The following SYNJ2 variants were observed in gnomAD, a reference collection of about 807,000 sequenced individuals.
The protein encoded by SYNJ2 is synaptojanin 2, also known as polyphosphatidylinositol phosphatase SYNJ2.
A neutral mutation model predicts 141.3 loss-of-function variants in SYNJ2; 116 were observed. The observed-to-expected ratio is 0.82, with a 90% CI of 0.71 to 0.96. SYNJ2 has a LOEUF of 0.96. Among genes scored for constraint, SYNJ2 ranks in the 40% least tolerant of loss-of-function variants. The probability of loss-of-function intolerance (pLI) is 0.00; values close to 1 mark genes in which losing one functional copy is unlikely to be tolerated. For synonymous variants in SYNJ2, 745 were observed against 777.7 expected (o/e 0.96, Z 0.70); for missense variants, 1,873 against 1,934.8 (o/e 0.97, Z 0.60).
chr6:158,017,071 T>C (rs1348062547), intron 1 of SYNJ2, 133 bp from the exon 2 acceptor site: 2 of 1,386,134 alleles, frequency 1.4e-6, no homozygotes, highest in Non-Finnish European at 1.9e-6. Flanking sequence ...ACTTGGTGTT[T>C]GTGGGCCGAG....
At chr6:158,048,282 G>C (rs1387474371) in intron 5 of SYNJ2, among the ~76,000 whole-genome samples, 2 of 152,190 alleles carry the variant, frequency 1.3e-5, no homozygotes, top group Non-Finnish European at 2.9e-5. Flanking sequence ...CTGGGGAGGG[G>C]TGAGGAAGAA....
Position 158,040,090 on chromosome 6 carries a change from C to T in SYNJ2, c.712-3226C>T, listed in dbSNP as rs976947428. Among the ~76,000 whole-genome samples, 1 of 152,150 alleles carries T rather than the reference C, an allele frequency of 6.6e-6. No individual in the cohort carries two copies. Among genetic ancestry groups the T allele is most frequent in the Admixed American group, 6.5e-5 (1 of 15,280 alleles). On this transcript the variant is annotated intron_variant, in intron 4 of 26. Coordinates refer to ENST00000355585, the MANE Select transcript of SYNJ2 (RefSeq NM_003898.4). The surrounding 1 kb of genome is among the most constrained non-coding windows in gnomAD (Gnocchi z 4.2). ...GCCAGAAAAGGGGGACCCTGTGGCA[C>T]CCTCTGCTTTTGCTTTGGTTTAACA...
At chr6:157,987,784 T>A (rs543782859) in intron 1 of SYNJ2, among the ~76,000 whole-genome samples, 1 of 152,232 alleles carries the variant, frequency 6.6e-6, no homozygotes, top group African/African-American at 2.4e-5. Flanking sequence ...ATAGTTACCA[T>A]GCTATGCAAG....
chr6:158,053,200 G>A (rs933174685), intron 5 of SYNJ2, among the ~76,000 whole-genome samples: 2 of 152,104 alleles, frequency 1.3e-5, no homozygotes, highest in East Asian at 1.9e-4. Flanking sequence ...GGAGGCACAC[G>A]GTGTCCATCT....
chr6:158,068,009 T>A (rs1043422087), intron 12 of SYNJ2: 6 of 984,436 alleles, frequency 6.1e-6, no homozygotes, highest in Non-Finnish European at 7.2e-6. Context: ...TTGCAGGGGA[T>A]TTTTTTGGGG....
At chr6:158,094,186 C>T in intron 26 of SYNJ2, 1 of 553,680 alleles carries the variant, frequency 1.8e-6, no homozygotes, top group Non-Finnish European at 3.2e-6. Context: ...TGTCCCTTGT[C>T]CATGCTTCCT....
Position 158,096,012 on chromosome 6 carries a change from A to T in SYNJ2, c.4139A>T (p.Gln1380Leu). The T allele has an allele frequency of 6.2e-7, 1 of 1,614,216 alleles. No individual in the cohort carries two copies. The highest frequency in any genetic ancestry group is 8.5e-7 in the Non-Finnish European group (1 of 1,180,042). ...CCTGCCGCGGGCACCGTCTTCCCAC[A>T]AGGGGACTTTCTCAGCACTTCATCT... The part of the protein sequence containing the change: ...HPPAAGTVFP[Q>L]GDFLSTSSAT... The change falls in exon 27 of 27, where the codon CAA (glutamine) becomes CTA (leucine). Residue 1380 changes from glutamine (Q) to leucine (L), a missense_variant. By Grantham distance (113) the Gln-to-Leu change is moderately radical. Coordinates refer to ENST00000355585, the MANE Select transcript of SYNJ2 (RefSeq NM_003898.4).
intron 1 of SYNJ2, among the ~76,000 whole-genome samples, chr6:157,989,276 C>T (rs140864628): frequency 5.9e-5 from 9 of 151,868 alleles, no homozygotes; most frequent in African/African-American, 2.2e-4. Flanking sequence ...TTACTTCATC[C>T]TTATGTCAAG....
At chr6:157,997,944 C>T (rs1438464189) in intron 1 of SYNJ2, among the ~76,000 whole-genome samples, 2 of 152,214 alleles carry the variant, frequency 1.3e-5, no homozygotes, top group East Asian at 3.8e-4. Context: ...AAGGTGATGA[C>T]TTCAGTCGGT....
intron 5 of SYNJ2, among the ~76,000 whole-genome samples, chr6:158,048,632 C>G (rs1325789746): frequency 6.6e-6 from 1 of 152,178 alleles, no homozygotes; most frequent in Non-Finnish European, 1.5e-5. Context: ...GGCAGCTGTC[C>G]TTTTTGAAGA....
At chr6:158,076,867 G>A in intron 17 of SYNJ2, 85 bp downstream of exon 17, 4 of 1,459,822 alleles carry the variant, frequency 2.7e-6, no homozygotes, top group Non-Finnish European at 3.6e-6. Flanking sequence ...CCAACCCCAG[G>A]CGCTGCTACA....
In SYNJ2 at chr6:158,086,986, C is replaced by G; in HGVS notation, c.3340C>G (p.Pro1114Ala). ...PPQPPQRPPP[P>A]TGLMVKKSAS... ...TCAACCCCCGCAGAGACCCCCCCCTCCAAGTAAGACTCTGCTTGCTTTCAG... is the reference window on the plus strand; with the variant it reads ...TCAACCCCCGCAGAGACCCCCCCCTGCAAGTAAGACTCTGCTTGCTTTCAG... Residue 1114 changes from proline (P) to alanine (A), a missense_variant, in exon 23 of 27, where the codon CCA becomes GCA. Coordinates refer to ENST00000355585, the MANE Select transcript of SYNJ2 (RefSeq NM_003898.4). 1 of 1,397,012 alleles carries G rather than the reference C, an allele frequency of 7.2e-7. No homozygotes were observed. The highest frequency in any genetic ancestry group is 9.7e-7 in the Non-Finnish European group (1 of 1,032,532). 86.5% of individuals were successfully genotyped at this position (1,397,012 alleles called of 1,614,324 possible).
intron 5 of SYNJ2, among the ~76,000 whole-genome samples, chr6:158,053,685 TCATC>T (rs1308805017): frequency 2.7e-5 from 4 of 150,210 alleles, no homozygotes; most frequent in East Asian, 4.0e-4. Context: ...ATCCAGCCAG[TCATC>T]CATCCATCCA....
chr6:158,046,188 T>C (rs971828310), intron 5 of SYNJ2, among the ~76,000 whole-genome samples: 1 of 152,054 alleles, frequency 6.6e-6, no homozygotes, highest in Non-Finnish European at 1.5e-5. Flanking sequence ...TCAAGTGATC[T>C]GCCCGCTTCG....
At chr6:158,087,010 A>G in intron 23 of SYNJ2, 21 bp downstream of exon 23, 1 of 1,472,108 alleles carries the variant, frequency 6.8e-7, no homozygotes, top group Non-Finnish European at 9.1e-7. Flanking sequence ...GCTTGCTTTC[A>G]GCTCCCTGGA....
intron 1 of SYNJ2, among the ~76,000 whole-genome samples, chr6:158,014,013 T>C (rs187806309): frequency 6.6e-6 from 1 of 152,362 alleles, no homozygotes; most frequent in East Asian, 1.9e-4. Context: ...CCAGTATGAT[T>C]TTTCAACTTA....
intron 2 of SYNJ2, chr6:158,028,473 C>T: frequency 2.1e-6 from 1 of 482,556 alleles, no homozygotes; most frequent in Non-Finnish European, 3.7e-6. Context: ...AAAGCTTGCC[C>T]CCAGCCTCAG....
At position 158,010,641 on chromosome 6, in the gene SYNJ2, C is replaced by T. The variant is rs371454541; in HGVS notation, c.128-6563C>T. 4.1e-4 allele frequency among the ~76,000 whole-genome samples: 62 copies of T among 152,312 alleles called. No homozygotes were observed. The South Asian group carries it at 5.0e-3, about 12-fold the overall frequency. Reference sequence around the variant, plus strand: ...AAAGGATATGTTGAAGCCTAACCCCCGGGACCTCAGAAGGGGATCTTATTT... The same window carrying T: ...AAAGGATATGTTGAAGCCTAACCCCTGGGACCTCAGAAGGGGATCTTATTT... On this transcript the variant is annotated intron_variant, in intron 1 of 26. Transcript: ENST00000355585.
At chr6:158,088,513 G>T in intron 23 of SYNJ2, 147 bp from the exon 24 acceptor site, 1 of 632,046 alleles carries the variant, frequency 1.6e-6, no homozygotes. Context: ...TGGCTCTGTG[G>T]GTGCCCTAAG....
Sources: gnomAD v4.1 joint callset for allele counts (sites outside exome capture counted in the v4.1 genomes callset) on GRCh38, gnomAD v4.1.1 for gene constraint, Gnocchi (gnomAD v3.1) non-coding constraint, MANE v1.5 for transcripts, NCBI Gene and HGNC (gene_info 2026-07-23, HGNC 2026-07-21) for gene names.